The following ZNF660 variants were observed in gnomAD, a reference collection of about 807,000 sequenced individuals.
The protein encoded by ZNF660 is zinc finger protein 660.
A neutral mutation model predicts 23.2 loss-of-function variants in ZNF660; 24 were observed. That is an observed-to-expected ratio of 1.04 (90% CI 0.75 to 1.46). ZNF660 has a LOEUF of 1.46. Ranked by LOEUF, ZNF660 falls within the 40% of genes most tolerant of loss-of-function variation. The pLI is 0.00. For missense variants in ZNF660, 373 were observed against 396.8 expected, an observed-to-expected ratio of 0.94 and a Z score of 0.51; for synonymous variants, 117 against 131.4, an observed-to-expected ratio of 0.89 and a Z score of 0.75.
chr3:44,587,982 G>T (rs573833958), intron 2 of ZNF660, among the ~76,000 whole-genome samples: 2 of 152,344 alleles, frequency 1.3e-5, no homozygotes, highest in South Asian at 4.1e-4. Flanking sequence ...TTGAACCTGG[G>T]AGGCAGAGGT....
At position 44,597,015 on chromosome 3, in the gene ZNF660, T is replaced by TA. The variant is rs1700630482; in HGVS notation, c.*1827dup. ...TACAGTGAATCCCTAAGCCCACTGT[T>TA]ATCTGTCTTATGCACATAGTGAATT... is the stretch of plus-strand genomic sequence containing the variant. On this transcript the variant is annotated 3_prime_UTR_variant, in exon 3 of 3. Coordinates refer to ENST00000322734, the MANE Select transcript of ZNF660 (RefSeq NM_173658.4). The surrounding 1 kb of genome is among the most constrained non-coding windows in gnomAD (Gnocchi z 4.1). 1.3e-5 allele frequency: 2 copies of TA among 152,230 alleles called. No individual in the cohort carries two copies. The highest frequency in any genetic ancestry group is 2.9e-5 in the Non-Finnish European group (2 of 68,044). The allele number at this position is 152,230 out of a possible 1,614,324, so 9.4% of individuals were successfully genotyped here.
At chr3:44,590,428 A>C (rs1700378056) in intron 2 of ZNF660, among the ~76,000 whole-genome samples, 1 of 152,052 alleles carries the variant, frequency 6.6e-6, no homozygotes, top group Non-Finnish European at 1.5e-5. Context: ...ATGTAAGAGA[A>C]CTTTCTTGTG....
intron 1 of ZNF660, among the ~76,000 whole-genome samples, chr3:44,585,740 T>C (rs1700208736): frequency 6.6e-6 from 1 of 152,182 alleles, no homozygotes. Flanking sequence ...TCATCCCCCT[T>C]GTGCAGACTT....
intron 2 of ZNF660, among the ~76,000 whole-genome samples, chr3:44,589,134 C>T (rs1700332098): frequency 6.6e-6 from 1 of 152,148 alleles, no homozygotes; most frequent in African/African-American, 2.4e-5. Context: ...CGTGCCAGAC[C>T]CTCCAGTGTT....
In ZNF660 at chr3:44,595,078, C is replaced by G; in HGVS notation, c.885C>G (p.Thr295=). Residue 295 remains threonine (T), a synonymous_variant, in exon 3 of 3, where the codon ACC becomes ACG. Transcript: ENST00000322734. ...CTCAAGTTATTCTACACTTGAGAAC[C>G]CACACTAAGGAGAAACCCTATAAAT... is the stretch of plus-strand genomic sequence containing the variant. The part of the protein sequence containing the change: ...QTSQVILHLR[T]HTKEKPYKCS... 1 of 1,613,256 alleles carries G rather than the reference C, an allele frequency of 6.2e-7. No individual in the cohort carries two copies. The highest frequency in any genetic ancestry group is 8.5e-7 in the Non-Finnish European group (1 of 1,179,748).
chr3:44,594,177 G>A lies in ZNF660; in HGVS notation c.-17G>A. ...AGAAGACTAGAGAGGACACTGGTAT[G>A]TTCCAAGCAGGAGAAAATGAGGAGA... On this transcript the variant is annotated 5_prime_UTR_variant, in exon 3 of 3. The change abolishes an upstream ATG in the 5' untranslated region. Coordinates refer to ENST00000322734, the MANE Select transcript of ZNF660 (RefSeq NM_173658.4). The A allele has an allele frequency of 6.2e-7, 1 of 1,612,850 alleles. No homozygotes were observed. Among genetic ancestry groups the A allele is most frequent in the Non-Finnish European group, 8.5e-7 (1 of 1,179,556 alleles).
chr3:44,594,567 AG>A lies in ZNF660; in HGVS notation c.377del (p.Gly126GlufsTer104). On this transcript the variant is annotated frameshift_variant, in exon 3 of 3. Coordinates refer to ENST00000322734, the MANE Select transcript of ZNF660 (RefSeq NM_173658.4). LOFTEE classifies it high-confidence loss of function. The stretch of plus-strand genomic sequence containing the variant: ...GGAAAGTCACATCTTATTCGGCACC[AG>A]GGAATCCACAGTGGGGAGAAAACTT... ...FSGKSHLIRHQGIHSGEKTYE... is the reference protein window; with the variant it reads ...FSGKSHLIRHXGIHSGEKTYE... 5 of 1,614,200 alleles carry A rather than the reference AG, an allele frequency of 3.1e-6. No individual in the cohort carries two copies. Among genetic ancestry groups the A allele is most frequent in the Non-Finnish European group, 4.2e-6 (5 of 1,180,040 alleles).
intron 2 of ZNF660, among the ~76,000 whole-genome samples, chr3:44,591,928 G>A (rs1265395003): frequency 6.6e-6 from 1 of 152,196 alleles, no homozygotes; most frequent in African/African-American, 2.4e-5. Context: ...AATCCAGGAG[G>A]CGGAGGTTGT....
At position 44,595,136 on chromosome 3, in the gene ZNF660, T is replaced by C; in HGVS notation, c.943T>C (p.Ser315Pro). 6.2e-7 allele frequency: 1 copy of C among 1,606,498 alleles called. No homozygotes were observed. Among genetic ancestry groups the C allele is most frequent in the Middle Eastern group, 1.7e-4 (1 of 6,004 alleles). Residue 315 changes from serine to proline, a missense_variant, in exon 3 of 3, where the codon TCA becomes CCA. Physicochemically the swap from Ser to Pro is moderately conservative, Grantham distance 74 (BLOSUM62 -1). Coordinates refer to ENST00000322734, the MANE Select transcript of ZNF660 (RefSeq NM_173658.4). ...SECGKAYRYS[S>P]QLIQHQRKHN... ...GTGTGGGAAAGCCTATCGGTATAGT[T>C]CACAGCTTATTCAACACCAGAGGAA...
Position 44,586,100 on chromosome 3 carries a change from T to C in ZNF660, c.-289-5T>C, listed in dbSNP as rs1700219333. 6.6e-6 allele frequency: 1 copy of C among 152,194 alleles called. No homozygotes were observed. The highest frequency in any genetic ancestry group is 2.4e-5 in the African/African-American group (1 of 41,440). The allele number at this position is 152,194 out of a possible 1,614,324, so 9.4% of individuals were successfully genotyped here. A position where few individuals can be genotyped will look rare whatever the true frequency, so the allele number is the denominator to read the frequency against. ...GAGAACTCAGTCATTTATATCTGTT[T>C]ACAGTGACTCAAGACCCTCTTAGGA... On this transcript the variant is annotated splice_polypyrimidine_tract_variant and splice_region_variant and intron_variant, in intron 1 of 2. Transcript: ENST00000322734.
chr3:44,587,418 T>C (rs1202098162), intron 2 of ZNF660, among the ~76,000 whole-genome samples: 1 of 152,220 alleles, frequency 6.6e-6, no homozygotes, highest in Non-Finnish European at 1.5e-5. Context: ...ACTGGCTGTC[T>C]GAGATTTTGC....
chr3:44,597,861 TGAG>T lies in ZNF660; in HGVS notation c.*2677_*2679del, dbSNP rs1227869440. The stretch of plus-strand genomic sequence containing the variant: ...CAGGCAGGCGAGGATTATAGTCTCT[TGAG>T]GAGGCCATCACCCATCTTCTAGGCT... On this transcript the variant is annotated 3_prime_UTR_variant, in exon 3 of 3. Coordinates refer to ENST00000322734, the MANE Select transcript of ZNF660 (RefSeq NM_173658.4). This position sits in a 1 kb window ranked among gnomAD's most constrained non-coding sequence, Gnocchi z 4.1. 2.6e-5 allele frequency: 4 copies of T among 152,242 alleles called. No individual in the cohort carries two copies. The highest frequency in any genetic ancestry group is 1.3e-4 in the Admixed American group (2 of 15,284). 9.4% of individuals were successfully genotyped at this position (152,242 alleles called of 1,614,324 possible). A position where few individuals can be genotyped will look rare whatever the true frequency, so the allele number is the denominator to read the frequency against.
rs528823802 is a variant in ZNF660, at chr3:44,592,966, C to T, written c.-180-1048C>T. Among the ~76,000 whole-genome samples the T allele has an allele frequency of 1.3e-4, 19 of 151,634 alleles. No individual in the cohort carries two copies. The East Asian group carries it at 1.6e-3, about 13-fold the overall frequency. ...CACTCGGGAGGCTGAAGCAGGAGAA[C>T]GGCGTGAACCTGGGAGGCGGAGCTT... is the stretch of plus-strand genomic sequence containing the variant. On this transcript the variant is annotated intron_variant, in intron 2 of 2. Coordinates refer to ENST00000322734, the MANE Select transcript of ZNF660 (RefSeq NM_173658.4).
rs761966709 is a variant in ZNF660, at chr3:44,597,987, T to G, written c.*2798T>G. The G allele has an allele frequency of 6.6e-6, 1 of 152,262 alleles. No individual in the cohort carries two copies. The highest frequency in any genetic ancestry group is 2.4e-5 in the African/African-American group (1 of 41,454). The allele number at this position is 152,262 out of a possible 1,614,324, so 9.4% of individuals were successfully genotyped here. On this transcript the variant is annotated 3_prime_UTR_variant, in exon 3 of 3. Transcript: ENST00000322734. This position sits in a 1 kb window ranked among gnomAD's most constrained non-coding sequence, Gnocchi z 4.1. ...TATAATTTGAACTGATCACCCACCT[T>G]TCTCCGGGAGTCTCCCAGGGTTACC... is the stretch of plus-strand genomic sequence containing the variant.
At chr3:44,590,570 A>T (rs1433445188) in intron 2 of ZNF660, among the ~76,000 whole-genome samples, 1 of 152,192 alleles carries the variant, frequency 6.6e-6, no homozygotes, top group African/African-American at 2.4e-5. Flanking sequence ...TAACATACAA[A>T]TGTTAGGGGG....
Position 44,594,882 on chromosome 3 carries a change from G to A in ZNF660, c.689G>A (p.Arg230Lys). Residue 230 changes from arginine to lysine, a missense_variant, in exon 3 of 3, where the codon AGG becomes AAG. Transcript: ENST00000322734. The stretch of plus-strand genomic sequence containing the variant: ...GAGTGTGGAAAAACTTTCATCTTAA[G>A]GAAAACTCTTAATGAACACCAGAGA... The part of the protein sequence containing the change: ...CDECGKTFIL[R>K]KTLNEHQRLH... 3 of 1,613,958 alleles carry A rather than the reference G, an allele frequency of 1.9e-6. No homozygotes were observed. The highest frequency in any genetic ancestry group is 2.5e-6 in the Non-Finnish European group (3 of 1,180,010).
At chr3:44,587,608 ACT>A (rs2125744515) in intron 2 of ZNF660, among the ~76,000 whole-genome samples, 1 of 152,184 alleles carries the variant, frequency 6.6e-6, no homozygotes, top group South Asian at 2.1e-4. Context: ...TTTTGATCAA[ACT>A]CTCCTCATTT....
intron 2 of ZNF660, among the ~76,000 whole-genome samples, chr3:44,592,093 T>C (rs1475614117): frequency 6.6e-6 from 1 of 152,248 alleles, no homozygotes; most frequent in African/African-American, 2.4e-5. Flanking sequence ...GGAAATCTAT[T>C]GTATTACATG....
chr3:44,587,898 A>G (rs1401307496), intron 2 of ZNF660, among the ~76,000 whole-genome samples: 1 of 152,156 alleles, frequency 6.6e-6, no homozygotes, highest in Non-Finnish European at 1.5e-5. Flanking sequence ...TACTAAAAAT[A>G]CAAAAAATTA....
Sources: allele counts gnomAD v4.1 joint callset (sites outside exome capture counted in the v4.1 genomes callset), GRCh38; gene constraint gnomAD v4.1.1; non-coding constraint Gnocchi (gnomAD v3.1); transcripts MANE v1.5; gene names NCBI Gene and HGNC (gene_info 2026-07-23, HGNC 2026-07-21).